The following COG5 variants were observed in gnomAD, a reference collection of about 807,000 sequenced individuals.
COG5 encodes component of oligomeric golgi complex 5.
In COG5, 86 loss-of-function variants were observed where a neutral mutation model predicts 110.4. The ratio of observed to expected loss-of-function variants is 0.78; its 90% CI spans 0.65 to 0.93. The LOEUF is 0.93. COG5 is among the 40% of genes least tolerant of loss of function. COG5 has a pLI of 0.00. For missense variants in COG5, 1,077 were observed against 987.0 expected (o/e 1.09, Z -1.22); for synonymous variants, 360 against 334.6 (o/e 1.08, Z -0.83).
At chr7:107,405,926 G>A (rs1290970389) in intron 7 of COG5, among the ~76,000 whole-genome samples, 6 of 152,170 alleles carry the variant, frequency 3.9e-5, no homozygotes, top group Admixed American at 3.9e-4. Context: ...TTGGCCCTCA[G>A]TAGATACCCA....
chr7:107,238,014 T>C lies in COG5; in HGVS notation c.1854-1327A>G, dbSNP rs143253870. Among the ~76,000 whole-genome samples, 676 of 152,256 alleles carry C rather than the reference T, an allele frequency of 4.4e-3. 3 individuals carry two copies. The highest frequency in any genetic ancestry group is 0.016 in the African/African-American group (645 of 41,542). Reference sequence around the variant, plus strand: ...ATTTTTGATGAATTATAATAATATATAATAAGGGGATACACAGTAATGTTA... The same window carrying C: ...ATTTTTGATGAATTATAATAATATACAATAAGGGGATACACAGTAATGTTA... On this transcript the variant is annotated intron_variant, in intron 17 of 21. Transcript: ENST00000297135.
chr7:107,561,892 C>T (rs1273851101), intron 1 of COG5, among the ~76,000 whole-genome samples: 1 of 152,104 alleles, frequency 6.6e-6, no homozygotes, highest in Non-Finnish European at 1.5e-5. Flanking sequence ...AGGAGAATGG[C>T]GTGAACCCCG....
At chr7:107,262,519 T>C (rs1267967044) in intron 14 of COG5, among the ~76,000 whole-genome samples, 1 of 152,162 alleles carries the variant, frequency 6.6e-6, no homozygotes, top group Non-Finnish European at 1.5e-5. Flanking sequence ...ATTCTAGTCC[T>C]GGGTGAAACC....
intron 6 of COG5, among the ~76,000 whole-genome samples, chr7:107,492,348 G>A (rs969920652): frequency 2.0e-5 from 3 of 151,936 alleles, no homozygotes; most frequent in Non-Finnish European, 4.4e-5. Flanking sequence ...TATTGCTACC[G>A]TAACAAATTA....
chr7:107,263,155 G>T (rs957885506), intron 14 of COG5, among the ~76,000 whole-genome samples: 3 of 152,148 alleles, frequency 2.0e-5, no homozygotes, highest in Non-Finnish European at 4.4e-5. Context: ...AAAGTATCTT[G>T]TATAAAGTAG....
At chr7:107,508,099 A>C (rs2712204) in intron 6 of COG5, among the ~76,000 whole-genome samples, 56,372 of 152,164 alleles carry the variant, frequency 0.37, 13,680 homozygotes, top group African/African-American at 0.7. Context: ...ACTCGGGAAG[A>C]GCAAGGGGTC....
In COG5 at chr7:107,286,752, C is replaced by T. The variant is rs572549468; in HGVS notation, c.1314-3020G>A. Among the ~76,000 whole-genome samples the T allele has an allele frequency of 2.2e-4, 34 of 152,150 alleles. No individual in the cohort carries two copies. The South Asian group carries it at 6.8e-3, about 31-fold the overall frequency. On this transcript the variant is annotated intron_variant, in intron 12 of 21. Coordinates refer to ENST00000297135, the MANE Select transcript of COG5 (RefSeq NM_006348.5). ...TTACAACTTCATCTATTCTCTGTGA[C>T]TTTCTTATTATTTCAATGAAAGAGG...
intron 12 of COG5, among the ~76,000 whole-genome samples, chr7:107,297,390 A>G (rs1283097885): frequency 6.7e-6 from 1 of 150,228 alleles, no homozygotes; most frequent in East Asian, 2.0e-4. Context: ...GAGCTTCCCA[A>G]TGGGTCCTGG....
At position 107,544,071 on chromosome 7, in the gene COG5, C is replaced by T. The variant is rs570930908; in HGVS notation, c.417+4040G>A. On this transcript the variant is annotated intron_variant, in intron 5 of 21. Coordinates refer to ENST00000297135, the MANE Select transcript of COG5 (RefSeq NM_006348.5). ...CTCATGGCTCCAGGCACAAAGCAAG[C>T]ACCCACAGACTGCAGCCTTCAGTGG... 7.9e-5 allele frequency among the ~76,000 whole-genome samples: 12 copies of T among 152,282 alleles called. No homozygotes were observed. In the South Asian group the frequency reaches 2.3e-3, roughly 29 times the overall value.
chr7:107,300,646 C>T (rs1807179352), intron 11 of COG5, among the ~76,000 whole-genome samples: 1 of 151,898 alleles, frequency 6.6e-6, no homozygotes, highest in African/African-American at 2.4e-5. Context: ...CTGAAAACTA[C>T]AAAAACAATG....
chr7:107,216,089 G>C (rs1465624916), intron 19 of COG5, among the ~76,000 whole-genome samples: 1 of 152,096 alleles, frequency 6.6e-6, no homozygotes. Flanking sequence ...TGGAAACTGA[G>C]AGAGGCAGGA....
chr7:107,493,943 C>A (rs1029461933), intron 6 of COG5, among the ~76,000 whole-genome samples: 1 of 152,058 alleles, frequency 6.6e-6, no homozygotes, highest in Non-Finnish European at 1.5e-5. Context: ...AAAATAATAA[C>A]ATGAAACTAA....
intron 10 of COG5, among the ~76,000 whole-genome samples, chr7:107,349,077 A>T (rs376131071): frequency 6.6e-6 from 1 of 152,198 alleles, no homozygotes; most frequent in African/African-American, 2.4e-5. Flanking sequence ...GTACATTGTT[A>T]ATATATAAAA....
intron 3 of COG5, among the ~76,000 whole-genome samples, chr7:107,553,140 T>G (rs534690535): frequency 6.6e-6 from 1 of 152,168 alleles, no homozygotes; most frequent in Non-Finnish European, 1.5e-5. Context: ...TTGGGTCCTA[T>G]GCACACTACC....
chr7:107,209,314 G>C, intron 21 of COG5: 1 of 836,400 alleles, frequency 1.2e-6, no homozygotes, highest in Non-Finnish European at 1.4e-6. Context: ...GGCTTGGCTA[G>C]TTAGGTGATT....
chr7:107,460,332 G>A (rs531245169), intron 6 of COG5, among the ~76,000 whole-genome samples: 18 of 152,170 alleles, frequency 1.2e-4, no homozygotes, highest in Non-Finnish European at 2.9e-5. Context: ...GAGCCCAGGA[G>A]GTCGAGGCTA....
chr7:107,302,668 T>G (rs1807374295), intron 11 of COG5, among the ~76,000 whole-genome samples: 2 of 152,188 alleles, frequency 1.3e-5, no homozygotes, highest in Admixed American at 1.3e-4. Context: ...ATGCCAATAA[T>G]GCAAGGCCCT....
intron 6 of COG5, among the ~76,000 whole-genome samples, chr7:107,440,832 C>T (rs1794661444): frequency 6.6e-6 from 1 of 152,166 alleles, no homozygotes; most frequent in Non-Finnish European, 1.5e-5. Flanking sequence ...CCCCTTCCCC[C>T]ATACTATGCT....
intron 5 of COG5, among the ~76,000 whole-genome samples, chr7:107,540,613 T>TAAA (rs530416160): frequency 7.4e-6 from 1 of 135,026 alleles, no homozygotes; most frequent in African/African-American, 2.7e-5. Flanking sequence ...TAAAATTAAA[T>TAAA]AAAAAAAAAA....
Sources: allele counts gnomAD v4.1 joint callset (sites outside exome capture counted in the v4.1 genomes callset), GRCh38; gene constraint gnomAD v4.1.1; transcripts MANE v1.5; gene names NCBI Gene and HGNC (gene_info 2026-07-23, HGNC 2026-07-21).